The following IFRD2 variants were observed in gnomAD, a reference collection of about 807,000 sequenced individuals.
IFRD2 encodes the protein interferon-related developmental regulator 2.
In IFRD2, 35 loss-of-function variants were observed where a neutral mutation model predicts 49.2. The observed-to-expected ratio is 0.71, with a 90% CI of 0.54 to 0.94. The LOEUF (loss-of-function observed/expected upper bound fraction) is 0.94. IFRD2 is among the 40% of genes least tolerant of loss of function. The pLI, the probability that IFRD2 is intolerant of heterozygous loss-of-function variation, is 0.00. For synonymous variants in IFRD2, 275 were observed against 239.7 expected, an observed-to-expected ratio of 1.15 and a Z score of -1.36; for missense variants, 561 against 591.6, an observed-to-expected ratio of 0.95 and a Z score of 0.54.
chr3:50,289,017 C>T, intron 8 of IFRD2, 80 bp from the exon 9 acceptor site: 3 of 1,541,004 alleles, frequency 1.9e-6, no homozygotes, highest in Non-Finnish European at 1.8e-6. Context: ...CAAACCCCTC[C>T]TTTCACTGAG....
At chr3:50,292,079 C>G in intron 1 of IFRD2, 138 bp downstream of exon 1, 1 of 960,330 alleles carries the variant, frequency 1.0e-6, no homozygotes, top group Non-Finnish European at 1.5e-6. Flanking sequence ...ACGTGCCAGC[C>G]TCGGTAGAGT....
rs373810104 is a variant in IFRD2, at chr3:50,288,288, G to A, written c.1249-17C>T. 1.9e-6 allele frequency: 3 copies of A among 1,612,726 alleles called. No homozygotes were observed. The highest frequency in any genetic ancestry group is 1.1e-5 in the South Asian group (1 of 91,062). On this transcript the variant is annotated splice_polypyrimidine_tract_variant and intron_variant, in intron 11 of 11. Coordinates refer to ENST00000417626, the MANE Select transcript of IFRD2 (RefSeq NM_006764.5). Reference sequence around the variant, plus strand: ...GTACAGGTGCTAGAGTGGGGACAGAGAGTGACACCCTGGGGAGCTGGGAAG... The same window carrying A: ...GTACAGGTGCTAGAGTGGGGACAGAAAGTGACACCCTGGGGAGCTGGGAAG...
Position 50,289,482 on chromosome 3 carries a change from G to A in IFRD2, c.744C>T (p.Ile248=), listed in dbSNP as rs1553709310. 1 of 1,583,840 alleles carries A rather than the reference G, an allele frequency of 6.3e-7. No individual in the cohort carries two copies. The highest frequency in any genetic ancestry group is 1.8e-5 in the Admixed American group (1 of 54,988). The change falls in exon 7 of 12, where the codon ATC becomes ATT. Residue 248 remains isoleucine (I), a synonymous_variant. Transcript: ENST00000417626. ...ALQAWALLLT[I]CPSTQISHIL... is the part of the protein sequence containing the mutation. ...TGTGGCTGATTTGGGTGCTAGGGCA[G>A]ATGGTGAGCAGCAATGCCCAGGCCT... is the stretch of plus-strand genomic sequence containing the variant.
chr3:50,290,299 G>C lies in IFRD2; in HGVS notation c.264-5C>G, dbSNP rs1553709571. The C allele has an allele frequency of 5.6e-6, 9 of 1,609,678 alleles. No homozygotes were observed. Among genetic ancestry groups the C allele is most frequent in the Non-Finnish European group, 7.6e-6 (9 of 1,177,906 alleles). ...GCACCCTGCCGGGTCTTGGCACTGG[G>C]GGAGGTCGAGAAGGGGGGTCATATG... On this transcript the variant is annotated splice_polypyrimidine_tract_variant and splice_region_variant and intron_variant, in intron 3 of 11. Coordinates refer to ENST00000417626, the MANE Select transcript of IFRD2 (RefSeq NM_006764.5).
chr3:50,291,854 G>T, intron 1 of IFRD2: 1 of 242,648 alleles, frequency 4.1e-6, no homozygotes, highest in Non-Finnish European at 7.9e-6. Context: ...CACCGGAGCA[G>T]GCCAGGACTC....
Position 50,289,504 on chromosome 3 carries a change from G to T in IFRD2, c.722C>A (p.Ala241Asp). The change falls in exon 7 of 12, where the codon GCC (alanine) becomes GAC (aspartate). Residue 241 changes from alanine to aspartate, a missense_variant. Coordinates refer to ENST00000417626, the MANE Select transcript of IFRD2 (RefSeq NM_006764.5). Reference protein sequence around the residue: ...LHGLLSAALQAWALLLTICPS... With the variant: ...LHGLLSAALQDWALLLTICPS... ...GCAGATGGTGAGCAGCAATGCCCAGGCCTGCAGGGCAGCAGAGAGCAGGCC... is the reference window on the plus strand; with the variant it reads ...GCAGATGGTGAGCAGCAATGCCCAGTCCTGCAGGGCAGCAGAGAGCAGGCC... 1.3e-6 allele frequency: 2 copies of T among 1,585,154 alleles called. No individual in the cohort carries two copies. The highest frequency in any genetic ancestry group is 1.3e-5 in the African/African-American group (1 of 74,398).
chr3:50,292,284 C>G lies in IFRD2; in HGVS notation c.-10G>C. ...TACGGGCGCGAGGCATGCCGGGAAC[C>G]GGGCGCGGGGGGCGCGGGGTCAGGG... is the stretch of plus-strand genomic sequence containing the variant. On this transcript the variant is annotated 5_prime_UTR_variant, in exon 1 of 12. Transcript: ENST00000417626. 1 of 1,553,674 alleles carries G rather than the reference C, an allele frequency of 6.4e-7. No homozygotes were observed. The highest frequency in any genetic ancestry group is 8.7e-7 in the Non-Finnish European group (1 of 1,153,988).
intron 10 of IFRD2, 28 bp downstream of exon 10, chr3:50,288,555 G>A: frequency 6.2e-7 from 1 of 1,613,986 alleles, no homozygotes; most frequent in South Asian, 1.1e-5. Context: ...AACCACACCA[G>A]ATGTCCCCTC....
chr3:50,290,497 G>T, intron 2 of IFRD2, 25 bp from the exon 3 acceptor site: 1 of 1,591,770 alleles, frequency 6.3e-7, no homozygotes, highest in Non-Finnish European at 8.6e-7. Context: ...GGTCAGCACC[G>T]CTTCTTGTCC....
intron 5 of IFRD2, 62 bp downstream of exon 5, chr3:50,289,867 A>G: frequency 6.2e-7 from 1 of 1,602,348 alleles, no homozygotes; most frequent in South Asian, 1.1e-5. Flanking sequence ...GATAGGGGGA[A>G]CCCACCACTC....
Position 50,288,094 on chromosome 3 carries a change from A to T in IFRD2, c.*97T>A. ...TTTTGGTTTTGTCATTAAAAAAAAT[A>T]AAGTGACAAATACTGGTGGAGACCA... On this transcript the variant is annotated 3_prime_UTR_variant, in exon 12 of 12. Transcript: ENST00000417626. The T allele has an allele frequency of 8.7e-7, 1 of 1,143,220 alleles. No individual in the cohort carries two copies. The highest frequency in any genetic ancestry group is 1.5e-5 in the African/African-American group (1 of 64,594). The allele number at this position is 1,143,220 out of a possible 1,614,324, so 70.8% of individuals were successfully genotyped here.
At chr3:50,290,735 G>C (rs1444452227) in intron 1 of IFRD2, 56 bp from the exon 2 acceptor site, 2 of 1,591,548 alleles carry the variant, frequency 1.3e-6, no homozygotes, top group African/African-American at 1.3e-5. Flanking sequence ...GGATGGCTGG[G>C]GGTACCTCAC....
rs1553709247 is a variant in IFRD2, at chr3:50,289,366, G to A, written c.780-6C>T. The stretch of plus-strand genomic sequence containing the variant: ...GGGGCAGCCGGGGCAGCTGCCTAGG[G>A]AAGGGGCAGGCTGAGCTATATGTGT... On this transcript the variant is annotated splice_region_variant and splice_polypyrimidine_tract_variant and intron_variant, in intron 7 of 11. Coordinates refer to ENST00000417626, the MANE Select transcript of IFRD2 (RefSeq NM_006764.5). 6.3e-7 allele frequency: 1 copy of A among 1,591,294 alleles called. No homozygotes were observed. Among genetic ancestry groups the A allele is most frequent in the Admixed American group, 1.8e-5 (1 of 56,320 alleles).
Position 50,290,133 on chromosome 3 carries a change from G to A in IFRD2, c.388+37C>T, listed in dbSNP as rs200293945. ...GCCCATGCAGCAAGGGCCAGTGTCT[G>A]CCCAGTTTAAGTCTCCCACACACCC... On this transcript the variant is annotated intron_variant, in intron 4 of 11. Transcript: ENST00000417626. 49 of 1,612,514 alleles carry A rather than the reference G, an allele frequency of 3.0e-5. No individual in the cohort carries two copies. In the African/African-American group the frequency reaches 5.1e-4, roughly 17 times the overall value.
chr3:50,288,632 T>C lies in IFRD2; in HGVS notation c.1103A>G (p.Tyr368Cys). The C allele has an allele frequency of 6.2e-7, 1 of 1,613,886 alleles. No homozygotes were observed. The highest frequency in any genetic ancestry group is 1.1e-5 in the South Asian group (1 of 91,088). The change falls in exon 10 of 12, where the codon TAC becomes TGC. Residue 368 changes from tyrosine (Y) to cysteine (C), a missense_variant. Tyr to Cys is a radical substitution (Grantham distance 194). Coordinates refer to ENST00000417626, the MANE Select transcript of IFRD2 (RefSeq NM_006764.5). ...YMDSWARHRIYAAFKEVLGSG... is the reference protein window; with the variant it reads ...YMDSWARHRICAAFKEVLGSG... ...ACCCAGCACTTCCTTGAAGGCAGCGTAGATCCGGTGCCGAGCCCAGCTGTC... is the reference window on the plus strand; with the variant it reads ...ACCCAGCACTTCCTTGAAGGCAGCGCAGATCCGGTGCCGAGCCCAGCTGTC...
chr3:50,291,338 T>G (rs587603756), intron 1 of IFRD2, among the ~76,000 whole-genome samples: 4 of 152,234 alleles, frequency 2.6e-5, no homozygotes, highest in Admixed American at 2.6e-4. Context: ...CTATTCTACC[T>G]GCCGGAGCAG....
In IFRD2 at chr3:50,290,562, A is replaced by G; in HGVS notation, c.176T>C (p.Leu59Pro). ...SLLSTTAEDS[L>P]GGDVVDEQGQ... ...GTCAAACTTCCACCCGCTCTCACCA[A>G]GGCTGTCCTCTGCAGTGGTGCTGAG... The change falls in exon 2 of 12, where the codon CTT becomes CCT. Residue 59 changes from leucine to proline, a missense_variant and splice_region_variant. Transcript: ENST00000417626. The G allele has an allele frequency of 6.2e-7, 1 of 1,613,846 alleles. No individual in the cohort carries two copies. Among genetic ancestry groups the G allele is most frequent in the Non-Finnish European group, 8.5e-7 (1 of 1,179,858 alleles).
At chr3:50,290,953 C>T (rs1701660999) in intron 1 of IFRD2, among the ~76,000 whole-genome samples, 1 of 151,790 alleles carries the variant, frequency 6.6e-6, no homozygotes, top group South Asian at 2.1e-4. Flanking sequence ...CTACTCACAC[C>T]CCTCATCTGC....
rs782297272 is a variant in IFRD2, at chr3:50,290,089, G to A, written c.389-3C>T. On this transcript the variant is annotated splice_region_variant and splice_polypyrimidine_tract_variant and intron_variant, in intron 4 of 11. Transcript: ENST00000417626. The stretch of plus-strand genomic sequence containing the variant: ...CAGGGCTTGTTCCTCGCCCTTCCCT[G>A]TGGGATGCTTTCCAGTCAGCCCATG... The A allele has an allele frequency of 8.7e-6, 14 of 1,613,496 alleles. No individual in the cohort carries two copies. The highest frequency in any genetic ancestry group is 1.1e-5 in the Non-Finnish European group (13 of 1,179,586).
Sources: gnomAD v4.1 joint callset for allele counts (sites outside exome capture counted in the v4.1 genomes callset) on GRCh38, gnomAD v4.1.1 for gene constraint, MANE v1.5 for transcripts, NCBI Gene and HGNC (gene_info 2026-07-23, HGNC 2026-07-21) for gene names.